Variants in PTPRD observed in about 807,000 individuals in gnomAD.
PTPRD encodes protein tyrosine phosphatase receptor type D.
Under a neutral mutation model 214.5 loss-of-function variants are expected in PTPRD, and 34 were observed. The ratio of observed to expected loss-of-function variants is 0.16; its 90% CI spans 0.12 to 0.21. PTPRD has a LOEUF of 0.21. Among genes scored for constraint, PTPRD ranks in the 10% least tolerant of loss-of-function variants. The probability of loss-of-function intolerance (pLI) is 1.00; values close to 1 mark genes in which losing one functional copy is unlikely to be tolerated. For missense variants in PTPRD, 2,545 were observed against 2,398.7 expected (o/e 1.06, Z -1.27); for synonymous variants, 1,128 against 845.7 (o/e 1.33, Z -5.79).
intron 9 of PTPRD, among the ~76,000 whole-genome samples, chr9:9,369,607 T>C (rs562810174): frequency 0.01 from 1,573 of 152,218 alleles, 26 homozygotes; most frequent in African/African-American, 0.036. Flanking sequence ...AGAAGCTCTT[T>C]AGTTTAATTA....
intron 8 of PTPRD, among the ~76,000 whole-genome samples, chr9:9,424,031 A>G (rs1299330805): frequency 6.6e-6 from 1 of 152,170 alleles, no homozygotes; most frequent in Non-Finnish European, 1.5e-5. Flanking sequence ...CTACTCTAGG[A>G]ATTTTCCTTA....
chr9:8,422,670 T>A (rs976044051), intron 35 of PTPRD, among the ~76,000 whole-genome samples: 1 of 152,180 alleles, frequency 6.6e-6, no homozygotes, highest in African/African-American at 2.4e-5. Context: ...AAGGATTTTT[T>A]AAAGATAATA....
chr9:10,069,067 T>C (rs193100789), intron 3 of PTPRD, among the ~76,000 whole-genome samples: 1 of 152,110 alleles, frequency 6.6e-6, no homozygotes, highest in Admixed American at 6.6e-5. Flanking sequence ...GCCTTTTGGA[T>C]CTGGCAGCTT....
intron 10 of PTPRD, among the ~76,000 whole-genome samples, chr9:9,037,884 G>A (rs1311871433): frequency 6.6e-6 from 1 of 152,160 alleles, no homozygotes; most frequent in Non-Finnish European, 1.5e-5. Context: ...ACGTGAGCAG[G>A]GACTTGGGAA....
rs151177249 is a variant in PTPRD at position 10,240,084 on chromosome 9, T to C, written c.-545+100879A>G. ...TAAACAGACAGGCCTTGCTGAGTTG[T>C]CCCACCCAATCTATTAGCATTAGAT... On this transcript the variant is annotated intron_variant, in intron 3 of 45. Transcript: ENST00000381196. Among the ~76,000 whole-genome samples, 800 of 152,090 alleles carry C rather than the reference T, an allele frequency of 5.3e-3. 6 individuals are homozygous for C. Among genetic ancestry groups the C allele is most frequent in the African/African-American group, 0.018 (764 of 41,534 alleles).
chr9:10,131,475 C>T (rs2098883319), intron 3 of PTPRD, among the ~76,000 whole-genome samples: 1 of 152,068 alleles, frequency 6.6e-6, no homozygotes, highest in African/African-American at 2.4e-5. Flanking sequence ...TCTAAGATGC[C>T]ACATTCAGGG....
intron 2 of PTPRD, among the ~76,000 whole-genome samples, chr9:10,438,331 G>A (rs1033408806): frequency 1.3e-5 from 2 of 151,374 alleles, no homozygotes; most frequent in African/African-American, 4.8e-5. Flanking sequence ...CTTTATGATA[G>A]GTTTATCAGA....
At chr9:10,383,160 A>T (rs1249419319) in intron 2 of PTPRD, among the ~76,000 whole-genome samples, 2 of 151,894 alleles carry the variant, frequency 1.3e-5, no homozygotes, top group Non-Finnish European at 2.9e-5. Flanking sequence ...AGAAACCATG[A>T]ACTTACAGGT....
At chr9:9,024,334 C>CTTAGTTTTTTTTTT (rs1169168298) in intron 10 of PTPRD, among the ~76,000 whole-genome samples, 2 of 72,754 alleles carry the variant, frequency 2.7e-5, no homozygotes, top group African/African-American at 9.7e-5. Context: ...ATTGTCGATT[C>CTTAGTTTTTTTTTT]TTTGTTTTTT....
At chr9:9,700,460 T>C (rs529644114) in intron 7 of PTPRD, among the ~76,000 whole-genome samples, 1 of 152,258 alleles carries the variant, frequency 6.6e-6, no homozygotes, top group East Asian at 1.9e-4. Flanking sequence ...TGTAAGGCAC[T>C]CTACATGGTT....
chr9:9,266,734 G>A (rs1939927045), intron 9 of PTPRD, among the ~76,000 whole-genome samples: 1 of 150,690 alleles, frequency 6.6e-6, no homozygotes, highest in Non-Finnish European at 1.5e-5. Flanking sequence ...TATCAAAAAG[G>A]AATTTAAAAA....
chr9:10,118,855 G>A (rs565690449), intron 3 of PTPRD, among the ~76,000 whole-genome samples: 2 of 123,558 alleles, frequency 1.6e-5, no homozygotes, highest in Admixed American at 1.7e-4. Context: ...AAAGAAGCTG[G>A]GAAATACACC....
chr9:9,217,112 A>G (rs2099952792), intron 9 of PTPRD, among the ~76,000 whole-genome samples: 1 of 152,112 alleles, frequency 6.6e-6, no homozygotes. Context: ...GGGCCCCTTT[A>G]GCCAAAGAGA....
At chr9:10,354,386 G>A (rs992715194) in intron 2 of PTPRD, among the ~76,000 whole-genome samples, 2 of 152,074 alleles carry the variant, frequency 1.3e-5, no homozygotes, top group African/African-American at 4.8e-5. Flanking sequence ...CTGTTAAAAG[G>A]CTAAGAGAAT....
At chr9:8,706,904 C>T (rs1039145512) in intron 12 of PTPRD, among the ~76,000 whole-genome samples, 1 of 152,194 alleles carries the variant, frequency 6.6e-6, no homozygotes, top group African/African-American at 2.4e-5. Context: ...GTGCCACTGT[C>T]CCCGCTGGAC....
chr9:8,377,723 C>G (rs2083681103), intron 37 of PTPRD, among the ~76,000 whole-genome samples: 1 of 151,862 alleles, frequency 6.6e-6, no homozygotes, highest in African/African-American at 2.4e-5. Flanking sequence ...TGAAAAAGAA[C>G]AGAAAATCAC....
At chr9:9,689,905 G>T (rs1017931271) in intron 7 of PTPRD, among the ~76,000 whole-genome samples, 1 of 151,778 alleles carries the variant, frequency 6.6e-6, no homozygotes, top group Non-Finnish European at 1.5e-5. Context: ...TAATTAGGTT[G>T]CTTCTATATT....
At chr9:8,691,551 A>G (rs1162759152) in intron 12 of PTPRD, among the ~76,000 whole-genome samples, 1 of 152,184 alleles carries the variant, frequency 6.6e-6, no homozygotes, top group Non-Finnish European at 1.5e-5. Flanking sequence ...GAAATTTCAC[A>G]AGTCTTTTGA....
At chr9:10,043,142 G>T (rs2097327237) in intron 3 of PTPRD, among the ~76,000 whole-genome samples, 1 of 151,900 alleles carries the variant, frequency 6.6e-6, no homozygotes, top group Non-Finnish European at 1.5e-5. Flanking sequence ...CAAAGCTATA[G>T]AAAATAAAAT....
Sources: allele counts gnomAD v4.1 joint callset (sites outside exome capture counted in the v4.1 genomes callset), GRCh38; gene constraint gnomAD v4.1.1; transcripts MANE v1.5; gene names NCBI Gene and HGNC (gene_info 2026-07-23, HGNC 2026-07-21).